The following MUC13 variants were observed in gnomAD, a reference collection of about 807,000 sequenced individuals.
MUC13 encodes the protein mucin-13.
MUC13 carries 32 observed loss-of-function variants against 48.3 expected under a neutral mutation model. That is an observed-to-expected ratio of 0.66 (90% CI 0.50 to 0.89). The LOEUF (loss-of-function observed/expected upper bound fraction) is 0.89, where lower values mean the gene tolerates loss of function less well. Among genes scored for constraint, MUC13 ranks in the 40% least tolerant of loss-of-function variants. The pLI is 0.00. For missense variants in MUC13, 571 were observed against 622.8 expected (o/e 0.92, Z 0.88); for synonymous variants, 199 against 224.9 (o/e 0.88, Z 1.03).
At chr3:124,919,526 A>G (rs1243975882) in intron 5 of MUC13, among the ~76,000 whole-genome samples, 3 of 151,994 alleles carry the variant, frequency 2.0e-5, no homozygotes, top group Non-Finnish European at 4.4e-5. Flanking sequence ...AAGGATAAAT[A>G]CAATAGTAAG....
chr3:124,912,131 C>T lies in MUC13; in HGVS notation c.1225G>A (p.Gly409Ser). The change falls in exon 9 of 12, where the codon GGC (glycine) becomes AGC (serine). Residue 409 changes from glycine to serine, a missense_variant. Transcript: ENST00000616727. ...TCCTTACAGTCGAGTCCACTGTAGC[C>T]AAATGCACACCTGAAATACAGTGAG... is the stretch of plus-strand genomic sequence containing the variant. ...ANGNCQKCAF[G>S]YSGLDCKDKF... 1 of 1,612,996 alleles carries T rather than the reference C, an allele frequency of 6.2e-7. No homozygotes were observed. Among genetic ancestry groups the T allele is most frequent in the Non-Finnish European group, 8.5e-7 (1 of 1,179,592 alleles).
chr3:124,911,746 G>T (rs1399751635), intron 9 of MUC13, among the ~76,000 whole-genome samples: 1 of 152,168 alleles, frequency 6.6e-6, no homozygotes, highest in East Asian at 1.9e-4. Context: ...ATAACCACCA[G>T]AATTTTTGGA....
intron 5 of MUC13, among the ~76,000 whole-genome samples, chr3:124,918,306 G>A (rs1935540054): frequency 6.6e-6 from 1 of 152,118 alleles, no homozygotes. Context: ...CCCTGCACTG[G>A]CCCCTGAGGT....
At position 124,916,386 on chromosome 3, in the gene MUC13, C is replaced by T. The variant is rs1303729498; in HGVS notation, c.895G>A (p.Glu299Lys). Residue 299 changes from glutamate to lysine, a missense_variant, in exon 6 of 12, where the codon GAG (glutamate) becomes AAG (lysine). Glu to Lys is a moderately conservative substitution (Grantham distance 56, BLOSUM62 1). Transcript: ENST00000616727. ...TILAETTSDN[E>K]KTVTEKINKA... ...TTAATTTTCTCAGTCACAGTCTTCTCATTGTCACTTGTGGTTTCTGCCAAA... is the reference window on the plus strand; with the variant it reads ...TTAATTTTCTCAGTCACAGTCTTCTTATTGTCACTTGTGGTTTCTGCCAAA... The T allele has an allele frequency of 6.2e-7, 1 of 1,613,762 alleles. No individual in the cohort carries two copies. The highest frequency in any genetic ancestry group is 1.7e-5 in the Admixed American group (1 of 60,024).
Position 124,908,221 on chromosome 3 carries a change from T to G in MUC13, c.1465A>C (p.Ile489Leu), listed in dbSNP as rs1935349508. ...ATCTGGCTGTCTCTGGAGGCCGTTA[T>G]CCTGACCTTAGGAAAGACGCTCCCT... Reference protein sequence around the residue: ...AEGSVFPKVRITASRDSQMQN... With the variant: ...AEGSVFPKVRLTASRDSQMQN... The change falls in exon 11 of 12, where the codon ATA (isoleucine) becomes CTA (leucine). Residue 489 changes from isoleucine to leucine, a missense_variant. By Grantham distance (5) the Ile-to-Leu change is conservative. Coordinates refer to ENST00000616727, the MANE Select transcript of MUC13 (RefSeq NM_033049.4). The G allele has an allele frequency of 5.0e-6, 8 of 1,614,174 alleles. No individual in the cohort carries two copies. The highest frequency in any genetic ancestry group is 6.8e-6 in the Non-Finnish European group (8 of 1,180,038).
chr3:124,927,043 A>G (rs1935698706), intron 2 of MUC13, among the ~76,000 whole-genome samples: 1 of 151,960 alleles, frequency 6.6e-6, no homozygotes, highest in South Asian at 2.1e-4. Flanking sequence ...TTTGCTTTCT[A>G]CCCCTCAGTC....
intron 5 of MUC13, 157 bp downstream of exon 5, chr3:124,920,077 A>G (rs1189571231): frequency 1.4e-6 from 1 of 720,882 alleles, no homozygotes; most frequent in African/African-American, 1.8e-5. Context: ...GGGCCAAGGC[A>G]CACAGTCCCC....
intron 5 of MUC13, among the ~76,000 whole-genome samples, chr3:124,918,168 G>GAA (rs1034903935): frequency 6.6e-5 from 10 of 152,166 alleles, no homozygotes; most frequent in Non-Finnish European, 5.9e-5. Context: ...GCTATAGTAG[G>GAA]AAAGAGCTTG....
intron 8 of MUC13, among the ~76,000 whole-genome samples, chr3:124,912,403 T>C (rs948337331): frequency 8.5e-5 from 13 of 152,178 alleles, no homozygotes; most frequent in African/African-American, 3.1e-4. Flanking sequence ...CCTCCGGGCT[T>C]CAGGAAGATT....
chr3:124,918,758 C>T (rs1250956758), intron 5 of MUC13, among the ~76,000 whole-genome samples: 1 of 152,160 alleles, frequency 6.6e-6, no homozygotes, highest in Non-Finnish European at 1.5e-5. Context: ...TCATCCCCTA[C>T]ACATGAACTG....
At chr3:124,907,541 C>T (rs1347880996) in intron 11 of MUC13, among the ~76,000 whole-genome samples, 1 of 152,002 alleles carries the variant, frequency 6.6e-6, no homozygotes, top group East Asian at 1.9e-4. Context: ...TCACTTAAGC[C>T]CAGGAGGTTG....
chr3:124,917,085 C>G (rs1000386662), intron 5 of MUC13, among the ~76,000 whole-genome samples: 1 of 152,020 alleles, frequency 6.6e-6, no homozygotes, highest in Admixed American at 6.6e-5. Context: ...CAAATCCTAC[C>G]AGCAATATGA....
At position 124,906,721 on chromosome 3, in the gene MUC13, C is replaced by G. The variant is rs909108540; in HGVS notation, c.*22G>C. 6.6e-6 allele frequency: 1 copy of G among 152,068 alleles called. No individual in the cohort carries two copies. Among genetic ancestry groups the G allele is most frequent in the African/African-American group, 2.4e-5 (1 of 41,406 alleles). The allele number at this position is 152,068 out of a possible 1,614,324, so 9.4% of individuals were successfully genotyped here. A position where few individuals can be genotyped will look rare whatever the true frequency, so the allele number is the denominator to read the frequency against. On this transcript the variant is annotated 3_prime_UTR_variant, in exon 12 of 12. Coordinates refer to ENST00000616727, the MANE Select transcript of MUC13 (RefSeq NM_033049.4). ...CTTGTACATTGGTTGGGGGCCATGG[C>G]GGGTTCCACATTCTTATGATTCTAG...
intron 9 of MUC13, 31 bp downstream of exon 9, chr3:124,912,073 T>A (rs754070965): frequency 6.2e-7 from 1 of 1,608,084 alleles, no homozygotes; most frequent in South Asian, 1.1e-5. Flanking sequence ...GTTTAATAAC[T>A]TGTTTATAAT....
chr3:124,921,913 C>T (rs1935601176), intron 4 of MUC13, among the ~76,000 whole-genome samples: 1 of 152,230 alleles, frequency 6.6e-6, no homozygotes, highest in South Asian at 2.1e-4. Context: ...GAGCCAGCTT[C>T]TGCAGGCCCT....
intron 4 of MUC13, among the ~76,000 whole-genome samples, chr3:124,920,605 T>C (rs1284155303): frequency 6.6e-6 from 1 of 152,230 alleles, no homozygotes. Flanking sequence ...CCCTCACTGG[T>C]TCCCCCAGGA....
At chr3:124,913,751 C>T (rs1371942665) in intron 6 of MUC13, 70 bp from the exon 7 acceptor site, 6 of 1,575,286 alleles carry the variant, frequency 3.8e-6, no homozygotes, top group South Asian at 2.2e-5. Flanking sequence ...GTGAAAATTA[C>T]CCCACCCCAT....
At chr3:124,913,720 A>T in intron 6 of MUC13, 39 bp from the exon 7 acceptor site, 2 of 1,612,714 alleles carry the variant, frequency 1.2e-6, no homozygotes, top group Non-Finnish European at 1.7e-6. Flanking sequence ...ATTCAGCATG[A>T]CAATATGGAT....
At chr3:124,922,074 T>G (rs1935605210) in intron 4 of MUC13, 123 bp downstream of exon 4, 3 of 1,176,664 alleles carry the variant, frequency 2.5e-6, no homozygotes, top group Admixed American at 2.7e-5. Flanking sequence ...AAGGTACATT[T>G]CACTGTTTGA....
Sources: gnomAD v4.1 joint callset for allele counts (sites outside exome capture counted in the v4.1 genomes callset) on GRCh38, gnomAD v4.1.1 for gene constraint, MANE v1.5 for transcripts, NCBI Gene and HGNC (gene_info 2026-07-23, HGNC 2026-07-21) for gene names.